Variants in CYP11A1 observed in about 807,000 individuals in gnomAD.
CYP11A1 encodes the protein cholesterol side-chain cleavage enzyme, mitochondrial.
In CYP11A1, 25 loss-of-function variants were observed where a neutral mutation model predicts 51.9. The ratio of observed to expected loss-of-function variants is 0.48; its 90% CI spans 0.35 to 0.67. The LOEUF is 0.67. Among genes scored for constraint, CYP11A1 ranks in the 30% least tolerant of loss-of-function variants. CYP11A1 has a pLI of 0.00. For missense variants in CYP11A1, 578 were observed against 680.9 expected (o/e 0.85, Z 1.68); for synonymous variants, 245 against 262.1 (o/e 0.93, Z 0.63).
chr15:74,354,062 A>T (rs910511942), intron 1 of CYP11A1, among the ~76,000 whole-genome samples: 4 of 152,198 alleles, frequency 2.6e-5, no homozygotes, highest in African/African-American at 9.7e-5. Flanking sequence ...TTTGTAAACT[A>T]TTTATGAATA....
chr15:74,339,653 T>C lies in CYP11A1; in HGVS notation c.1091A>G (p.Gln364Arg), dbSNP rs57982762. 6.7e-4 allele frequency: 1,078 copies of C among 1,614,158 alleles called. 16 individuals are homozygous for C. In the South Asian group the frequency reaches 0.01, roughly 15 times the overall value. The change falls in exon 6 of 9, where the codon CAG becomes CGG. Residue 364 changes from glutamine (Q) to arginine (R), a missense_variant. Gln to Arg is a conservative substitution (Grantham distance 43, BLOSUM62 1). Coordinates refer to ENST00000268053, the MANE Select transcript of CYP11A1 (RefSeq NM_000781.3). The part of the protein sequence containing the change: ...AEVLAARHQA[Q>R]GDMATMLQLV... The stretch of plus-strand genomic sequence containing the variant: ...CTGTAGCATCGTGGCCATGTCTCCC[T>C]GGGCCTGGTGCCGCGCAGCCAAGAC...
intron 3 of CYP11A1, among the ~76,000 whole-genome samples, chr15:74,344,690 G>T (rs987364095): frequency 1.3e-5 from 2 of 152,166 alleles, no homozygotes; most frequent in African/African-American, 4.8e-5. Flanking sequence ...GACTCCAAAG[G>T]TCTATGGCCC....
At position 74,367,508 on chromosome 15, in the gene CYP11A1, C is replaced by A; in HGVS notation, c.78G>T (p.Gly26=). 2 of 1,614,154 alleles carry A rather than the reference C, an allele frequency of 1.2e-6. No homozygotes were observed. Among genetic ancestry groups the A allele is most frequent in the Admixed American group, 1.7e-5 (1 of 60,024 alleles). The change falls in exon 1 of 9, where the codon GGG becomes GGT. Residue 26 remains glycine (G), a synonymous_variant. Coordinates refer to ENST00000268053, the MANE Select transcript of CYP11A1 (RefSeq NM_000781.3). ...CQTFLSAPRE[G]LGRLRVPTGE... ...CAGTGGGCACCCTGAGACGCCCCAG[C>A]CCCTCCCTGGGGGCACTCAGAAAGG...
chr15:74,357,154 C>T (rs1159685929), intron 1 of CYP11A1, among the ~76,000 whole-genome samples: 1 of 152,164 alleles, frequency 6.6e-6, no homozygotes, highest in Non-Finnish European at 1.5e-5. Context: ...CCCTCCACAA[C>T]CCATTATTCT....
chr15:74,362,726 ACT>A (rs921291551), intron 1 of CYP11A1: 4 of 151,924 alleles, frequency 2.6e-5, no homozygotes, highest in African/African-American at 7.3e-5. Flanking sequence ...CTATCATGAA[ACT>A]CTTATTTTTG....
At chr15:74,367,260 C>T (rs2060738233) in intron 1 of CYP11A1, 57 bp downstream of exon 1, 1 of 1,607,716 alleles carries the variant, frequency 6.2e-7, no homozygotes, top group Non-Finnish European at 8.5e-7. Flanking sequence ...TACAGCAGGG[C>T]TACCCAGGCC....
At position 74,366,804 on chromosome 15, in the gene CYP11A1, C is replaced by G. The variant is rs558379099; in HGVS notation, c.269+513G>C. ...GATCTCGGCTCACTGCAACCTCTGCCTCTCCGGTTCAAGCCATTCTCCTGC... is the reference window on the plus strand; with the variant it reads ...GATCTCGGCTCACTGCAACCTCTGCGTCTCCGGTTCAAGCCATTCTCCTGC... On this transcript the variant is annotated intron_variant, in intron 1 of 8. Transcript: ENST00000268053. 4.8e-5 allele frequency: 8 copies of G among 165,312 alleles called. No individual in the cohort carries two copies. The South Asian group carries it at 1.3e-3, about 26-fold the overall frequency. 10.2% of individuals were successfully genotyped at this position (165,312 alleles called of 1,614,324 possible).
intron 2 of CYP11A1, among the ~76,000 whole-genome samples, chr15:74,347,323 C>T (rs1192938516): frequency 6.6e-6 from 1 of 152,088 alleles, no homozygotes; most frequent in East Asian, 1.9e-4. Flanking sequence ...GTGGGAGGAT[C>T]ACCTGTGCCG....
chr15:74,348,277 G>A, intron 1 of CYP11A1: 3 of 578,582 alleles, frequency 5.2e-6, no homozygotes, highest in South Asian at 4.1e-5. Context: ...GTATATGGAT[G>A]TGACCTTTGT....
At chr15:74,366,077 C>A (rs1222554627) in intron 1 of CYP11A1, 13 of 985,498 alleles carry the variant, frequency 1.3e-5, no homozygotes, top group Non-Finnish European at 1.6e-5. Flanking sequence ...CGGGCTGTGT[C>A]GAGGGGAGGC....
At chr15:74,342,368 C>T (rs2060611018) in intron 5 of CYP11A1, among the ~76,000 whole-genome samples, 1 of 152,214 alleles carries the variant, frequency 6.6e-6, no homozygotes, top group South Asian at 2.1e-4. Flanking sequence ...AGGCATGAGC[C>T]ACTGCGCCCG....
Position 74,343,195 on chromosome 15 carries a change from G to A in CYP11A1, c.830-58C>T, listed in dbSNP as rs2060615811. On this transcript the variant is annotated intron_variant, in intron 4 of 8. Coordinates refer to ENST00000268053, the MANE Select transcript of CYP11A1 (RefSeq NM_000781.3). Reference sequence around the variant, plus strand: ...GTTCCCTGCAGGCGGGTGGGAAGGAGGGCAGTCTGTGGTGAAAGGTGGCAC... The same window carrying A: ...GTTCCCTGCAGGCGGGTGGGAAGGAAGGCAGTCTGTGGTGAAAGGTGGCAC... 4.4e-6 allele frequency: 7 copies of A among 1,585,832 alleles called. No homozygotes were observed. In the South Asian group the frequency reaches 7.8e-5, roughly 18 times the overall value.
chr15:74,349,648 C>A (rs1354646254), intron 1 of CYP11A1, among the ~76,000 whole-genome samples: 3 of 152,148 alleles, frequency 2.0e-5, no homozygotes, highest in African/African-American at 7.2e-5. Context: ...CTGACATCAG[C>A]AACAATGCTT....
intron 1 of CYP11A1, among the ~76,000 whole-genome samples, chr15:74,352,287 T>TTTTTC (rs2060659865): frequency 8.7e-6 from 1 of 115,366 alleles, no homozygotes; most frequent in Non-Finnish European, 1.9e-5. Flanking sequence ...TTTTTTTTTT[T>TTTTTC]GAGACAGAGT....
chr15:74,345,163 G>C lies in CYP11A1; in HGVS notation c.506C>G (p.Pro169Arg). ...GTCCCGAGACACTGCATCCAACAGG[G>C]GCAAAAAGTTCTTGGTGGCCTCTGG... is the stretch of plus-strand genomic sequence containing the variant. ...MAPEATKNFLPLLDAVSRDFV... is the reference protein window; with the variant it reads ...MAPEATKNFLRLLDAVSRDFV... Residue 169 changes from proline to arginine, a missense_variant, in exon 3 of 9, where the codon CCC (proline) becomes CGC (arginine). Physicochemically the swap from Pro to Arg is moderately radical, Grantham distance 103. Transcript: ENST00000268053. This position sits in a 1 kb window ranked among gnomAD's most constrained non-coding sequence, Gnocchi z 4.3. 6.2e-7 allele frequency: 1 copy of C among 1,614,164 alleles called. No homozygotes were observed. The highest frequency in any genetic ancestry group is 8.5e-7 in the Non-Finnish European group (1 of 1,180,030).
In CYP11A1 at chr15:74,365,311, CAA is replaced by C. The variant is rs59979747; in HGVS notation, c.269+2004_269+2005del. Reference sequence around the variant, plus strand: ...CCCTGGAGGCACAGAGGCCCAAAGACAAAAAAAAAAAAAAAAGGCCTTTCCTC... The same window carrying C: ...CCCTGGAGGCACAGAGGCCCAAAGACAAAAAAAAAAAAAAGGCCTTTCCTC... On this transcript the variant is annotated intron_variant, in intron 1 of 8. Transcript: ENST00000268053. 2.6e-3 allele frequency: 316 copies of C among 123,170 alleles called. 1 individual carries two copies. Among genetic ancestry groups the C allele is most frequent in the Middle Eastern group, 4.2e-3 (1 of 240 alleles). The allele number at this position is 123,170 out of a possible 1,614,324, so 7.6% of individuals were successfully genotyped here.
At chr15:74,347,875 C>A (rs751077859) in intron 2 of CYP11A1, 25 bp downstream of exon 2, 27 of 1,612,256 alleles carry the variant, frequency 1.7e-5, no homozygotes, top group Non-Finnish European at 2.0e-5. Context: ...TCCCTCCAGT[C>A]CCTGGGAGAT....
intron 1 of CYP11A1, among the ~76,000 whole-genome samples, chr15:74,357,404 G>A (rs2141243358): frequency 6.6e-6 from 1 of 152,162 alleles, no homozygotes; most frequent in South Asian, 2.1e-4. Flanking sequence ...TGCTGATCAC[G>A]TCCAGCTAAT....
Position 74,339,522 on chromosome 15 carries a change from C to T in CYP11A1, c.1157+65G>A, listed in dbSNP as rs762596641. ...CAGCCCATCCTCGTAACCCTTTCCC[C>T]GGGCACTTCCCTGGCCCTGCCCAGG... On this transcript the variant is annotated intron_variant, in intron 6 of 8. Transcript: ENST00000268053. 253 of 1,584,342 alleles carry T rather than the reference C, an allele frequency of 1.6e-4. 1 individual carries two copies. The highest frequency in any genetic ancestry group is 1.3e-4 in the Non-Finnish European group (152 of 1,159,272).
Sources: gnomAD v4.1 joint callset for allele counts (sites outside exome capture counted in the v4.1 genomes callset) on GRCh38, gnomAD v4.1.1 for gene constraint, Gnocchi (gnomAD v3.1) non-coding constraint, MANE v1.5 for transcripts, NCBI Gene and HGNC (gene_info 2026-07-23, HGNC 2026-07-21) for gene names.